Variants in NAV2 observed in about 807,000 individuals in gnomAD.
The protein encoded by NAV2 is neuron navigator 2, also known as helicase, APC down-regulated 1.
A neutral mutation model predicts 223.2 loss-of-function variants in NAV2; 54 were observed. The ratio of observed to expected loss-of-function variants is 0.24; its 90% CI spans 0.19 to 0.30. NAV2 has a LOEUF of 0.30. Among genes scored for constraint, NAV2 ranks in the 10% least tolerant of loss-of-function variants. The probability of loss-of-function intolerance (pLI) is 1.00; values close to 1 mark genes in which losing one functional copy is unlikely to be tolerated. For missense variants in NAV2, 2,806 were observed against 3,147.5 expected, an observed-to-expected ratio of 0.89 and a Z score of 2.60; for synonymous variants, 1,279 against 1,239.3, an observed-to-expected ratio of 1.03 and a Z score of -0.67.
At chr11:19,957,551 G>A (rs1036797851) in intron 10 of NAV2, among the ~76,000 whole-genome samples, 8 of 152,276 alleles carry the variant, frequency 5.3e-5, no homozygotes, top group African/African-American at 1.9e-4. Flanking sequence ...CTGATGGCTG[G>A]GGCAGCATAA....
chr11:19,919,168 C>T (rs1182926165), intron 6 of NAV2, among the ~76,000 whole-genome samples: 1 of 151,936 alleles, frequency 6.6e-6, no homozygotes, highest in African/African-American at 2.4e-5. Context: ...CCTGTACATC[C>T]AGAATTCATT....
At chr11:19,951,540 C>G (rs183068710) in intron 10 of NAV2, among the ~76,000 whole-genome samples, 1 of 151,030 alleles carries the variant, frequency 6.6e-6, no homozygotes, top group East Asian at 1.9e-4. Flanking sequence ...CATATACTAC[C>G]GAACAAATTG....
intron 1 of NAV2, chr11:19,714,315 C>A: frequency 1.9e-6 from 1 of 521,336 alleles, no homozygotes; most frequent in African/African-American, 1.9e-5. Flanking sequence ...AAGCCAGTAT[C>A]CGCAGCAGCA....
chr11:20,084,465 T>A (rs993069601), intron 26 of NAV2, among the ~76,000 whole-genome samples: 1 of 152,206 alleles, frequency 6.6e-6, no homozygotes, highest in Admixed American at 6.5e-5. Context: ...TCTACTTTAC[T>A]GAGTTAGATG....
chr11:19,931,401 G>A (rs923686912), intron 6 of NAV2, among the ~76,000 whole-genome samples: 3 of 152,302 alleles, frequency 2.0e-5, no homozygotes, highest in African/African-American at 7.2e-5. Flanking sequence ...GGATCACCCT[G>A]GAGCTGTGGC....
intron 1 of NAV2, among the ~76,000 whole-genome samples, chr11:19,608,877 T>G (rs901164563): frequency 1.3e-5 from 2 of 152,222 alleles, no homozygotes; most frequent in Admixed American, 1.3e-4. Flanking sequence ...AATTTCCTTG[T>G]CTTCCCCAGT....
At chr11:19,393,463 A>C (rs1327363585) in intron 1 of NAV2, among the ~76,000 whole-genome samples, 5 of 152,200 alleles carry the variant, frequency 3.3e-5, no homozygotes, top group Non-Finnish European at 7.3e-5. Context: ...GCTGTGCTCC[A>C]TTGATTTAGA....
At chr11:20,100,410 C>T (rs147095497) in intron 31 of NAV2, among the ~76,000 whole-genome samples, 4 of 152,284 alleles carry the variant, frequency 2.6e-5, no homozygotes, top group Non-Finnish European at 5.9e-5. Context: ...GTGTTGCCTT[C>T]ATGGCACATC....
At chr11:19,359,592 T>A (rs578080976) in intron 1 of NAV2, among the ~76,000 whole-genome samples, 16 of 152,348 alleles carry the variant, frequency 1.1e-4, no homozygotes, top group African/African-American at 3.8e-4. Flanking sequence ...AGAGTCAGTG[T>A]CCTGTTGAAG....
chr11:19,953,333 T>C (rs2707085), intron 10 of NAV2, among the ~76,000 whole-genome samples: 138,427 of 152,256 alleles, frequency 0.91, 63,018 homozygotes, highest in East Asian at 0.98. Flanking sequence ...TTCATGGCCT[T>C]TGCCTCATCT....
intron 1 of NAV2, among the ~76,000 whole-genome samples, chr11:19,394,462 G>T (rs1240764176): frequency 6.6e-6 from 1 of 152,150 alleles, no homozygotes; most frequent in East Asian, 1.9e-4. Flanking sequence ...TAGACTCTGG[G>T]CGCATAGTGG....
chr11:19,569,906 C>A (rs569926467), intron 1 of NAV2, among the ~76,000 whole-genome samples: 2 of 152,316 alleles, frequency 1.3e-5, no homozygotes, highest in South Asian at 2.1e-4. Context: ...ACAACAAAGT[C>A]TACTAACGCT....
At chr11:19,892,977 A>G (rs999645806) in intron 6 of NAV2, among the ~76,000 whole-genome samples, 1 of 152,110 alleles carries the variant, frequency 6.6e-6, no homozygotes, top group African/African-American at 2.4e-5. Flanking sequence ...AAGCTTTTTT[A>G]TCCGTCAGAA....
At chr11:19,496,605 G>C (rs1425287638) in intron 1 of NAV2, among the ~76,000 whole-genome samples, 1 of 152,164 alleles carries the variant, frequency 6.6e-6, no homozygotes, top group Non-Finnish European at 1.5e-5. Flanking sequence ...AGCCTCCAAA[G>C]TCACACTACA....
intron 4 of NAV2, among the ~76,000 whole-genome samples, chr11:19,879,230 G>C (rs1048053174): frequency 6.6e-6 from 1 of 152,150 alleles, no homozygotes; most frequent in African/African-American, 2.4e-5. Context: ...GAAAAATACT[G>C]TCTGGAATAA....
At chr11:19,495,038 C>A (rs1216305602) in intron 1 of NAV2, among the ~76,000 whole-genome samples, 1 of 152,188 alleles carries the variant, frequency 6.6e-6, no homozygotes, top group African/African-American at 2.4e-5. Flanking sequence ...CTGCTTGAAG[C>A]AGGCAGGCCT....
intron 6 of NAV2, among the ~76,000 whole-genome samples, chr11:19,920,851 T>G (rs1202494785): frequency 6.6e-6 from 1 of 152,196 alleles, no homozygotes; most frequent in Non-Finnish European, 1.5e-5. Flanking sequence ...ATCTGATTTT[T>G]AAAGGTGTCT....
intron 8 of NAV2, among the ~76,000 whole-genome samples, chr11:19,944,572 C>A (rs1328443636): frequency 6.8e-6 from 1 of 148,078 alleles, no homozygotes; most frequent in Non-Finnish European, 1.5e-5. Context: ...CTTTCCCTTT[C>A]CATTTCCATT....
chr11:19,835,203 C>T (rs1056759465), intron 2 of NAV2, among the ~76,000 whole-genome samples: 5 of 152,338 alleles, frequency 3.3e-5, no homozygotes, highest in Admixed American at 3.3e-4. Context: ...GCCTAGGGTA[C>T]TGGTCTGCAG....
Sources: allele counts gnomAD v4.1 joint callset (sites outside exome capture counted in the v4.1 genomes callset), GRCh38; gene constraint gnomAD v4.1.1; transcripts MANE v1.5; gene names NCBI Gene and HGNC (gene_info 2026-07-23, HGNC 2026-07-21).